The following CNTN5 variants were observed in gnomAD, a reference collection of about 807,000 sequenced individuals.
CNTN5 encodes contactin 5.
Under a neutral mutation model 129.1 loss-of-function variants are expected in CNTN5, and 77 were observed. The observed-to-expected ratio is 0.60, with a 90% CI of 0.50 to 0.72. CNTN5 has a LOEUF of 0.72. Ranked by LOEUF, CNTN5 falls within the 30% of genes least tolerant of loss-of-function variation. The probability of loss-of-function intolerance (pLI) is 0.00; values close to 1 mark genes in which losing one functional copy is unlikely to be tolerated. For missense variants in CNTN5, 1,478 were observed against 1,328.8 expected (o/e 1.11, Z -1.75); for synonymous variants, 509 against 465.6 (o/e 1.09, Z -1.20).
chr11:99,610,285 C>A (rs12576442), intron 3 of CNTN5, among the ~76,000 whole-genome samples: 4,357 of 152,126 alleles, frequency 0.029, 169 homozygotes, highest in East Asian at 0.091. Flanking sequence ...GAAAATATCA[C>A]TGATGTAATG....
At chr11:99,400,931 A>AT (rs1404620334) in intron 2 of CNTN5, among the ~76,000 whole-genome samples, 4 of 152,070 alleles carry the variant, frequency 2.6e-5, no homozygotes, top group South Asian at 2.1e-4. Flanking sequence ...AGATTATTAG[A>AT]TTTTTTTCCT....
At chr11:99,731,848 CTGT>C (rs1437566501) in intron 3 of CNTN5, among the ~76,000 whole-genome samples, 3 of 152,178 alleles carry the variant, frequency 2.0e-5, no homozygotes, top group Non-Finnish European at 4.4e-5. Flanking sequence ...CTCCCACATT[CTGT>C]TGTTAAGTAT....
intron 3 of CNTN5, among the ~76,000 whole-genome samples, chr11:99,732,708 G>A (rs1276162303): frequency 6.6e-6 from 1 of 152,070 alleles, no homozygotes. Flanking sequence ...AGGAGTTTAG[G>A]GTTTGATTTA....
intron 2 of CNTN5, among the ~76,000 whole-genome samples, chr11:99,485,231 C>A (rs1351797726): frequency 1.8e-5 from 2 of 113,242 alleles, no homozygotes; most frequent in African/African-American, 6.0e-5. Context: ...GCAAAAACCC[C>A]CCAAAATTGT....
At chr11:99,273,087 G>A (rs1863250912) in intron 1 of CNTN5, among the ~76,000 whole-genome samples, 1 of 151,686 alleles carries the variant, frequency 6.6e-6, no homozygotes, top group South Asian at 2.1e-4. Flanking sequence ...AGCTTAGAGT[G>A]TCACGGAAAG....
Position 99,844,970 on chromosome 11 carries a change from T to C in CNTN5, c.396T>C (p.Ser132=), listed in dbSNP as rs761679909. 2 of 1,613,300 alleles carry C rather than the reference T, an allele frequency of 1.2e-6. No homozygotes were observed. The highest frequency in any genetic ancestry group is 3.3e-5 in the Admixed American group (2 of 59,946). Reference sequence around the variant, plus strand: ...AAGTTCGTGGCAATCCAGTTCCCAGTTACAGGTAGGAATTCACTGTTAATC... The same window carrying C: ...AAGTTCGTGGCAATCCAGTTCCCAGCTACAGGTAGGAATTCACTGTTAATC... The part of the protein sequence containing the change: ...NCEVRGNPVP[S]YRWLRNGTEI... Residue 132 remains serine, a synonymous_variant, in exon 5 of 25, where the codon AGT becomes AGC. Transcript: ENST00000524871.
At chr11:99,999,065 C>T (rs1442013703) in intron 8 of CNTN5, among the ~76,000 whole-genome samples, 2 of 151,860 alleles carry the variant, frequency 1.3e-5, no homozygotes, top group African/African-American at 4.8e-5. Context: ...AGAAGAAAAC[C>T]TAGGCAATAC....
At chr11:100,149,893 CAAAAAAAAAAAAAAGAAA>C (rs1290619828) in intron 13 of CNTN5, among the ~76,000 whole-genome samples, 1 of 117,148 alleles carries the variant, frequency 8.5e-6, no homozygotes, top group Non-Finnish European at 1.8e-5. Context: ...GACTCCATCT[CAAAAAAAAAAAAAAGAAA>C]AGAAAAGAAA....
intron 3 of CNTN5, among the ~76,000 whole-genome samples, chr11:99,732,042 C>G (rs181128170): frequency 1.3e-5 from 2 of 152,246 alleles, no homozygotes; most frequent in East Asian, 3.9e-4. Flanking sequence ...AATTTTCCCA[C>G]TTTTTTTATT....
intron 3 of CNTN5, among the ~76,000 whole-genome samples, chr11:99,811,384 ATCT>A (rs1946422871): frequency 6.6e-6 from 1 of 151,058 alleles, no homozygotes; most frequent in Non-Finnish European, 1.5e-5. Context: ...ATTTTATTTT[ATCT>A]TCTTCATAAA....
intron 3 of CNTN5, among the ~76,000 whole-genome samples, chr11:99,563,051 A>G (rs1948892131): frequency 6.6e-6 from 1 of 152,192 alleles, no homozygotes; most frequent in Non-Finnish European, 1.5e-5. Flanking sequence ...AGTAGCATGT[A>G]CTTTTTTAAG....
intron 2 of CNTN5, among the ~76,000 whole-genome samples, chr11:99,360,309 C>T (rs1185298373): frequency 6.6e-6 from 1 of 152,092 alleles, no homozygotes; most frequent in Non-Finnish European, 1.5e-5. Context: ...ATTAGCTTCT[C>T]TAATGTTCTG....
chr11:99,084,598 T>G (rs554610471), intron 1 of CNTN5, among the ~76,000 whole-genome samples: 1 of 152,214 alleles, frequency 6.6e-6, no homozygotes, highest in Admixed American at 6.5e-5. Flanking sequence ...TCTTAACATT[T>G]TTTGTTACCT....
intron 2 of CNTN5, among the ~76,000 whole-genome samples, chr11:99,356,745 A>G (rs1434364028): frequency 6.6e-6 from 1 of 152,232 alleles, no homozygotes; most frequent in Non-Finnish European, 1.5e-5. Flanking sequence ...GGAATACGAA[A>G]AAGAAAATAG....
chr11:99,718,109 ACGCTCTAATTGGAAC>A (rs1228746948), intron 3 of CNTN5, among the ~76,000 whole-genome samples: 1 of 152,134 alleles, frequency 6.6e-6, no homozygotes, highest in African/African-American at 2.4e-5. Context: ...TCATGCCAAT[ACGCTCTAATTGGAAC>A]CTTACACATC....
intron 16 of CNTN5, among the ~76,000 whole-genome samples, chr11:100,243,921 C>T (rs1034070730): frequency 6.6e-6 from 1 of 152,162 alleles, no homozygotes; most frequent in Admixed American, 6.5e-5. Flanking sequence ...GAAAATAAAA[C>T]TTCTGAGATC....
intron 1 of CNTN5, among the ~76,000 whole-genome samples, chr11:99,036,726 C>G (rs915849786): frequency 6.6e-6 from 1 of 152,162 alleles, no homozygotes; most frequent in African/African-American, 2.4e-5. Context: ...CTGTAGCCAA[C>G]ACACTGTGCT....
chr11:99,741,515 T>C (rs1943887553), intron 3 of CNTN5, among the ~76,000 whole-genome samples: 1 of 152,074 alleles, frequency 6.6e-6, no homozygotes, highest in Admixed American at 6.6e-5. Context: ...TCAAATGTAG[T>C]TTTCAAACTG....
chr11:99,655,986 A>T (rs114439013), intron 3 of CNTN5, among the ~76,000 whole-genome samples: 1 of 152,020 alleles, frequency 6.6e-6, no homozygotes, highest in South Asian at 2.1e-4. Flanking sequence ...GCATGTGTGT[A>T]TATATATGTG....
Sources: gnomAD v4.1 joint callset for allele counts (sites outside exome capture counted in the v4.1 genomes callset) on GRCh38, gnomAD v4.1.1 for gene constraint, MANE v1.5 for transcripts, NCBI Gene and HGNC (gene_info 2026-07-23, HGNC 2026-07-21) for gene names.